TBC1D9: variants seen among roughly 807,000 people sequenced by gnomAD.
TBC1D9 encodes the protein TBC1 domain family member 9A.
Under a neutral mutation model 132.0 loss-of-function variants are expected in TBC1D9, and 63 were observed. The observed-to-expected ratio is 0.48, with a 90% CI of 0.39 to 0.59. TBC1D9 has a LOEUF of 0.59. Ranked by LOEUF, TBC1D9 falls within the 20% of genes least tolerant of loss-of-function variation. The probability of loss-of-function intolerance (pLI) is 0.00; values close to 1 mark genes in which losing one functional copy is unlikely to be tolerated. For missense variants in TBC1D9, 1,261 were observed against 1,592.7 expected (o/e 0.79, Z 3.54); for synonymous variants, 610 against 609.9 (o/e 1.00, Z 0.00).
At chr4:140,655,318 A>C (rs1158496560) in intron 13 of TBC1D9, among the ~76,000 whole-genome samples, 1 of 152,200 alleles carries the variant, frequency 6.6e-6, no homozygotes, top group African/African-American at 2.4e-5. Flanking sequence ...TCTTTCTCTT[A>C]TTATGAGTTA....
intron 1 of TBC1D9, among the ~76,000 whole-genome samples, chr4:140,736,967 G>A (rs1738682245): frequency 6.6e-6 from 1 of 152,184 alleles, no homozygotes; most frequent in Non-Finnish European, 1.5e-5. Context: ...GCACCAGGGA[G>A]CAGTTTAGTG....
At chr4:140,657,307 T>G (rs1186650633) in intron 12 of TBC1D9, 81 bp from the exon 13 acceptor site, 2 of 1,523,388 alleles carry the variant, frequency 1.3e-6, no homozygotes, top group African/African-American at 2.8e-5. Context: ...TTTCTGCAAG[T>G]TCTACATTTT....
chr4:140,715,759 G>A (rs1738325651), intron 1 of TBC1D9: 1 of 152,098 alleles, frequency 6.6e-6, no homozygotes, highest in Non-Finnish European at 1.5e-5. Flanking sequence ...TCACTTTGAG[G>A]GCAAGCAACT....
At chr4:140,681,593 G>A (rs1737703592) in intron 3 of TBC1D9, among the ~76,000 whole-genome samples, 1 of 152,114 alleles carries the variant, frequency 6.6e-6, no homozygotes, top group Non-Finnish European at 1.5e-5. Context: ...TCTAACAAAA[G>A]CATCCCAAAG....
At position 140,661,903 on chromosome 4, in the gene TBC1D9, C is replaced by A. The variant is rs1737367205; in HGVS notation, c.1793G>T (p.Gly598Val). Residue 598 changes from glycine to valine, a missense_variant, in exon 10 of 21, where the codon GGG (glycine) becomes GTG (valine). Gly to Val is a moderately radical substitution (Grantham distance 109). This residue lies in a region of TBC1D9 where 93 missense variants were observed against 169.2 expected (regional missense o/e 0.55). Transcript: ENST00000442267. ...TAYAFRNPNI[G>V]YCQAMNIVTS... is the part of the protein sequence containing the mutation. ...ACCTGTGACATTTACCTGGCAATAC[C>A]CTATGTTGGGATTTCGAAAAGCATA... is the stretch of plus-strand genomic sequence containing the variant. 1 of 1,613,224 alleles carries A rather than the reference C, an allele frequency of 6.2e-7. No homozygotes were observed. The highest frequency in any genetic ancestry group is 8.5e-7 in the Non-Finnish European group (1 of 1,179,478).
At position 140,754,614 on chromosome 4, in the gene TBC1D9, CAAA is replaced by C. The variant is rs34471976; in HGVS notation, c.130+1299_130+1301del. Among the ~76,000 whole-genome samples the C allele has an allele frequency of 1.7e-4, 4 of 23,260 alleles. No individual in the cohort carries two copies. In the Admixed American group the frequency reaches 2.0e-3, roughly 12 times the overall value. 15.3% of individuals were successfully genotyped at this position (23,260 alleles called of 152,430 possible). On this transcript the variant is annotated intron_variant, in intron 1 of 20. Transcript: ENST00000442267. ...TGGGCGACAAAGCAGGACTCTGTCT[CAAA>C]AAAAAAAAAAAAAAAAAAAAAAAAA...
At chr4:140,652,159 T>C (rs116546279) in intron 13 of TBC1D9, among the ~76,000 whole-genome samples, 5,549 of 151,024 alleles carry the variant, frequency 0.037, 279 homozygotes, top group African/African-American at 0.12. Flanking sequence ...GAGAATCACA[T>C]GAACCCCGGA....
At chr4:140,634,266 G>A in intron 15 of TBC1D9, 78 bp from the exon 16 acceptor site, 1 of 1,560,006 alleles carries the variant, frequency 6.4e-7, no homozygotes, top group Non-Finnish European at 8.6e-7. Flanking sequence ...CTCCAGTTTG[G>A]AAAGGGCTTT....
chr4:140,672,550 G>A (rs1428658106), intron 6 of TBC1D9, among the ~76,000 whole-genome samples: 1 of 152,116 alleles, frequency 6.6e-6, no homozygotes, highest in Non-Finnish European at 1.5e-5. Flanking sequence ...TGTCTAAAAC[G>A]CAGTTAGCTA....
chr4:140,720,382 C>T (rs377561635), intron 1 of TBC1D9, among the ~76,000 whole-genome samples: 1 of 152,204 alleles, frequency 6.6e-6, no homozygotes, highest in Non-Finnish European at 1.5e-5. Flanking sequence ...AGCAGAAGAC[C>T]AGTTAGGAAA....
intron 1 of TBC1D9, among the ~76,000 whole-genome samples, chr4:140,737,585 C>A (rs1738694742): frequency 6.6e-6 from 1 of 152,122 alleles, no homozygotes; most frequent in Non-Finnish European, 1.5e-5. Flanking sequence ...GAGTAAGAGA[C>A]AAGCACTAAC....
intron 1 of TBC1D9, among the ~76,000 whole-genome samples, chr4:140,709,240 TCTCTCTCTCACACACA>T (rs1560892311): frequency 2.7e-5 from 3 of 109,542 alleles, no homozygotes; most frequent in African/African-American, 1.2e-4. Flanking sequence ...TCTCTCTCTC[TCTCTCTCTCACACACA>T]CACACACACA....
intron 1 of TBC1D9, among the ~76,000 whole-genome samples, chr4:140,746,155 A>G (rs1455374346): frequency 1.3e-5 from 2 of 152,206 alleles, no homozygotes; most frequent in Non-Finnish European, 2.9e-5. Flanking sequence ...AAGGTTAATA[A>G]TGTGACCCAA....
chr4:140,709,833 G>A (rs890779873), intron 1 of TBC1D9, among the ~76,000 whole-genome samples: 9 of 152,166 alleles, frequency 5.9e-5, no homozygotes, highest in African/African-American at 1.4e-4. Context: ...TGTGCAGTTC[G>A]CAATAGGGTT....
intron 15 of TBC1D9, among the ~76,000 whole-genome samples, chr4:140,635,999 G>A (rs756934561): frequency 3.3e-5 from 5 of 152,182 alleles, no homozygotes; most frequent in Non-Finnish European, 5.9e-5. Flanking sequence ...AGCTACATCG[G>A]TTGACAAAGG....
At chr4:140,712,710 T>A (rs1738268375) in intron 1 of TBC1D9, among the ~76,000 whole-genome samples, 2 of 150,898 alleles carry the variant, frequency 1.3e-5, no homozygotes, top group African/African-American at 4.9e-5. Context: ...GCCATTGTAC[T>A]CCAGCCCGGG....
At chr4:140,701,364 G>A in intron 2 of TBC1D9, 140 bp downstream of exon 2, 1 of 646,988 alleles carries the variant, frequency 1.5e-6, no homozygotes, top group African/African-American at 1.8e-5. Flanking sequence ...TTGGGTTCAT[G>A]TGTTGAAATG....
In TBC1D9 at chr4:140,729,137, C is replaced by T. The variant is rs557723649; in HGVS notation, c.130+26779G>A. On this transcript the variant is annotated intron_variant, in intron 1 of 20. Coordinates refer to ENST00000442267, the MANE Select transcript of TBC1D9 (RefSeq NM_015130.3). The stretch of plus-strand genomic sequence containing the variant: ...TCATGCAGTCCTCATTTGCCACAGC[C>T]ATTAATTGGTTACCCTCTCTGAAGG... Among the ~76,000 whole-genome samples, 13 of 152,276 alleles carry T rather than the reference C, an allele frequency of 8.5e-5. No individual in the cohort carries two copies. In the East Asian group the frequency reaches 2.1e-3, roughly 25 times the overall value.
intron 2 of TBC1D9, 138 bp downstream of exon 2, chr4:140,701,366 G>T: frequency 1.5e-6 from 1 of 659,454 alleles, no homozygotes; most frequent in Non-Finnish European, 2.6e-6. Context: ...GGGTTCATGT[G>T]TTGAAATGGC....
Sources: gnomAD v4.1 joint callset for allele counts (sites outside exome capture counted in the v4.1 genomes callset) on GRCh38, gnomAD v4.1.1 for gene constraint, gnomAD v4.1.1 regional missense constraint, MANE v1.5 for transcripts, NCBI Gene and HGNC (gene_info 2026-07-23, HGNC 2026-07-21) for gene names.